SF3A3: variants seen among roughly 807,000 people sequenced by gnomAD.
SF3A3 encodes SAP 61.
SF3A3 carries 9 observed loss-of-function variants against 85.8 expected under a neutral mutation model. That is an observed-to-expected ratio of 0.10 (90% CI 0.06 to 0.18). SF3A3 has a LOEUF of 0.18. Among genes scored for constraint, SF3A3 ranks in the 10% least tolerant of loss-of-function variants. SF3A3 has a pLI of 1.00. For missense variants in SF3A3, 306 were observed against 593.3 expected (o/e 0.52, Z 5.03); for synonymous variants, 195 against 204.4 (o/e 0.95, Z 0.39).
At chr1:37,964,929 C>T (rs1413452616) in intron 15 of SF3A3, among the ~76,000 whole-genome samples, 8 of 152,024 alleles carry the variant, frequency 5.3e-5, no homozygotes, top group Admixed American at 4.6e-4. Flanking sequence ...GAGGCCAATG[C>T]GGGTGCATCA....
In SF3A3 at chr1:37,972,778, T is replaced by C. The variant is rs533556194; in HGVS notation, c.1006-3043A>G. Among the ~76,000 whole-genome samples the C allele has an allele frequency of 2.6e-5, 4 of 152,330 alleles. No homozygotes were observed. The East Asian group carries it at 7.7e-4, about 29-fold the overall frequency. On this transcript the variant is annotated intron_variant, in intron 12 of 16. Transcript: ENST00000373019. ...ACAAAAACAAGAAATGGGGAAAGGA[T>C]TCCCTATTTAATAAATGGTGCTGGG...
chr1:37,981,343 G>T (rs371880730), intron 7 of SF3A3, among the ~76,000 whole-genome samples: 5 of 152,174 alleles, frequency 3.3e-5, no homozygotes, highest in African/African-American at 1.2e-4. Flanking sequence ...AATCAGGAGA[G>T]TAATTAACAA....
At chr1:37,981,615 G>A in intron 7 of SF3A3, 114 bp downstream of exon 7, 1 of 725,222 alleles carries the variant, frequency 1.4e-6, no homozygotes, top group Non-Finnish European at 2.4e-6. Context: ...AATAAACCTG[G>A]AAGTATGCCT....
intron 12 of SF3A3, among the ~76,000 whole-genome samples, chr1:37,976,277 T>C (rs1160892329): frequency 6.6e-6 from 1 of 152,138 alleles, no homozygotes; most frequent in Non-Finnish European, 1.5e-5. Context: ...TTTTTCTTCC[T>C]GGAAAGAGAT....
At chr1:37,988,857 T>TTTTG (rs1553166492) in intron 2 of SF3A3, among the ~76,000 whole-genome samples, 2,817 of 146,718 alleles carry the variant, frequency 0.019, 54 homozygotes, top group East Asian at 0.091. Flanking sequence ...ACGGGGTGTG[T>TTTTG]TGTGTGTGTG....
chr1:37,981,820 AG>A lies in SF3A3; in HGVS notation c.469-10del. 1 of 1,513,144 alleles carries A rather than the reference AG, an allele frequency of 6.6e-7. No individual in the cohort carries two copies. The highest frequency in any genetic ancestry group is 1.2e-5 in the South Asian group (1 of 84,758). 93.7% of individuals were successfully genotyped at this position (1,513,144 alleles called of 1,614,324 possible). A position where few individuals can be genotyped will look rare whatever the true frequency, so the allele number is the denominator to read the frequency against. Reference sequence around the variant, plus strand: ...GTGATATAATCCAGCTTCTGAAAAGAGGAAAGAAATGACAAGAAATTCAGTT... The same window carrying A: ...GTGATATAATCCAGCTTCTGAAAAGAGAAAGAAATGACAAGAAATTCAGTT... On this transcript the variant is annotated splice_polypyrimidine_tract_variant and intron_variant, in intron 6 of 16. Transcript: ENST00000373019.
At chr1:37,983,586 CAAAAAAA>C (rs371317065) in intron 6 of SF3A3, among the ~76,000 whole-genome samples, 9 of 38,488 alleles carry the variant, frequency 2.3e-4, no homozygotes, top group Non-Finnish European at 3.5e-4. Flanking sequence ...GACCCTGTCT[CAAAAAAA>C]AAAAAAAAAA....
intron 6 of SF3A3, 65 bp from the exon 7 acceptor site, chr1:37,981,876 T>C (rs1646421038): frequency 1.1e-6 from 1 of 903,378 alleles, no homozygotes; most frequent in Non-Finnish European, 1.8e-6. Context: ...AGTTACAATA[T>C]AATCTCCAAT....
intron 4 of SF3A3, among the ~76,000 whole-genome samples, chr1:37,986,798 C>A (rs1280874915): frequency 1.0e-5 from 1 of 98,628 alleles, no homozygotes; most frequent in African/African-American, 4.3e-5. Context: ...GGCAACAGAG[C>A]GAGACTCCAT....
intron 15 of SF3A3, among the ~76,000 whole-genome samples, chr1:37,965,406 G>A (rs535664036): frequency 4.9e-4 from 75 of 151,740 alleles, no homozygotes; most frequent in Admixed American, 9.2e-4. Context: ...GAATCTTAGC[G>A]CAGTCCCACT....
At chr1:37,989,792 C>A in intron 1 of SF3A3, 78 bp downstream of exon 1, 1 of 1,337,416 alleles carries the variant, frequency 7.5e-7, no homozygotes, top group Non-Finnish European at 1.1e-6. Context: ...GTTCTGAGGG[C>A]CAAAGCAAGC....
In SF3A3 at chr1:37,967,932, A is replaced by G. The variant is rs1054860290; in HGVS notation, c.1372+112T>C. The G allele has an allele frequency of 2.3e-5, 16 of 699,238 alleles. No individual in the cohort carries two copies. In the Admixed American group the frequency reaches 2.6e-4, roughly 12 times the overall value. The allele number at this position is 699,238 out of a possible 1,614,324, so 43.3% of individuals were successfully genotyped here. On this transcript the variant is annotated intron_variant, in intron 15 of 16. Coordinates refer to ENST00000373019, the MANE Select transcript of SF3A3 (RefSeq NM_006802.4). ...ATTATACAACTGTCCTAGATTTTACATATCCACAACCTACTGCCTTTAACC... is the reference window on the plus strand; with the variant it reads ...ATTATACAACTGTCCTAGATTTTACGTATCCACAACCTACTGCCTTTAACC...
chr1:37,964,767 A>C (rs182580846), intron 15 of SF3A3, among the ~76,000 whole-genome samples: 311 of 152,150 alleles, frequency 2.0e-3, no homozygotes, highest in African/African-American at 7.3e-3. Context: ...CCTGATATGC[A>C]CTCCACTTCA....
chr1:37,960,750 A>T (rs1646251268), intron 15 of SF3A3: 1 of 152,152 alleles, frequency 6.6e-6, no homozygotes, highest in African/African-American at 2.4e-5. Context: ...TCCCGGGTTC[A>T]CGCCATTCTC....
chr1:37,975,641 G>A (rs536183611), intron 12 of SF3A3, among the ~76,000 whole-genome samples: 6 of 152,264 alleles, frequency 3.9e-5, no homozygotes, highest in South Asian at 2.1e-4. Context: ...AGTTCACAGC[G>A]GAGAATATAT....
At chr1:37,975,907 A>G (rs1570463486) in intron 12 of SF3A3, among the ~76,000 whole-genome samples, 1 of 152,226 alleles carries the variant, frequency 6.6e-6, no homozygotes, top group East Asian at 1.9e-4. Context: ...CTGTAATCCC[A>G]GCACTTTGGG....
chr1:37,976,016 C>T (rs530124264), intron 12 of SF3A3, among the ~76,000 whole-genome samples: 7 of 152,078 alleles, frequency 4.6e-5, no homozygotes, highest in African/African-American at 1.2e-4. Context: ...ACTAGTCGGG[C>T]GTGGTGGCGC....
chr1:37,988,061 G>A (rs1047326716), intron 2 of SF3A3, among the ~76,000 whole-genome samples: 2 of 152,084 alleles, frequency 1.3e-5, no homozygotes, highest in East Asian at 1.9e-4. Context: ...TTTTTAAGCA[G>A]GTCGATTGGA....
intron 2 of SF3A3, among the ~76,000 whole-genome samples, chr1:37,988,736 G>A (rs1646471903): frequency 6.6e-6 from 1 of 152,006 alleles, no homozygotes; most frequent in African/African-American, 2.4e-5. Context: ...TCATCACCCA[G>A]TTTAAATAGC....
Sources: allele counts gnomAD v4.1 joint callset (sites outside exome capture counted in the v4.1 genomes callset), GRCh38; gene constraint gnomAD v4.1.1; transcripts MANE v1.5; gene names NCBI Gene and HGNC (gene_info 2026-07-23, HGNC 2026-07-21).